Variants in BMERB1 observed in about 807,000 individuals in gnomAD.
BMERB1 encodes bMERB domain containing 1.
In BMERB1, 12 loss-of-function variants were observed where a neutral mutation model predicts 23.6. That is an observed-to-expected ratio of 0.51 (90% CI 0.33 to 0.82). The LOEUF (loss-of-function observed/expected upper bound fraction) is 0.82. Ranked by LOEUF, BMERB1 falls within the 40% of genes least tolerant of loss-of-function variation. The pLI is 0.03. For synonymous variants in BMERB1, 122 were observed against 96.6 expected (o/e 1.26, Z -1.54); for missense variants, 247 against 255.4 (o/e 0.97, Z 0.22).
intron 2 of BMERB1, among the ~76,000 whole-genome samples, chr16:15,548,109 C>T (rs751062644): frequency 1.3e-5 from 2 of 152,088 alleles, no homozygotes; most frequent in Non-Finnish European, 2.9e-5. Context: ...CTCAGCCTCC[C>T]GAGTAGCTGG....
At chr16:15,522,175 G>T (rs1037079382) in intron 2 of BMERB1, among the ~76,000 whole-genome samples, 3 of 152,188 alleles carry the variant, frequency 2.0e-5, no homozygotes, top group Non-Finnish European at 2.9e-5. Flanking sequence ...GGGATAGCAT[G>T]CCCTGCCACT....
At chr16:15,477,453 G>T (rs1469963511) in intron 1 of BMERB1, among the ~76,000 whole-genome samples, 1 of 152,034 alleles carries the variant, frequency 6.6e-6, no homozygotes, top group Non-Finnish European at 1.5e-5. Flanking sequence ...AACATAGTGA[G>T]ACCTCCTGCT....
intron 1 of BMERB1, among the ~76,000 whole-genome samples, chr16:15,463,365 A>AT (rs1359105151): frequency 6.6e-6 from 1 of 152,080 alleles, no homozygotes; most frequent in Non-Finnish European, 1.5e-5. Context: ...AAGCCCTGGG[A>AT]TTGCAGGCAT....
Position 15,581,275 on chromosome 16 carries a change from C to T in BMERB1, c.363C>T (p.His121=), listed in dbSNP as rs1409829472. Residue 121 remains histidine, a synonymous_variant, in exon 4 of 6, where the codon CAC becomes CAT. Transcript: ENST00000300006. ...QREDELIQKI[H]KLVQKRDFLV... ...AGGATGAGCTAATCCAGAAGATCCA[C>T]AAACTGGTGCAGAAGAGAGACTTCC... 2.5e-6 allele frequency: 4 copies of T among 1,613,970 alleles called. No individual in the cohort carries two copies. The highest frequency in any genetic ancestry group is 1.3e-5 in the African/African-American group (1 of 74,932).
At chr16:15,440,867 G>A (rs115544828) in intron 1 of BMERB1, among the ~76,000 whole-genome samples, 289 of 152,274 alleles carry the variant, frequency 1.9e-3, no homozygotes, top group African/African-American at 4.9e-3. Flanking sequence ...AAGCAAACAA[G>A]TAAGATGGTT....
At chr16:15,585,145 T>C (rs1049008466) in intron 5 of BMERB1, among the ~76,000 whole-genome samples, 8 of 152,246 alleles carry the variant, frequency 5.3e-5, no homozygotes, top group Admixed American at 1.3e-4. Context: ...TGCTGGCTCC[T>C]ATAACCACAA....
At chr16:15,551,460 G>T (rs1385509162) in intron 2 of BMERB1, among the ~76,000 whole-genome samples, 3 of 152,224 alleles carry the variant, frequency 2.0e-5, no homozygotes, top group African/African-American at 7.2e-5. Flanking sequence ...GGCTATGGCT[G>T]CAGGAAGGAA....
chr16:15,567,287 C>T lies in BMERB1; in HGVS notation c.231-696C>T, dbSNP rs146199866. Among the ~76,000 whole-genome samples, 753 of 152,224 alleles carry T rather than the reference C, an allele frequency of 4.9e-3. 10 individuals are homozygous for T. Among genetic ancestry groups the T allele is most frequent in the African/African-American group, 0.017 (703 of 41,518 alleles). On this transcript the variant is annotated intron_variant, in intron 2 of 5. Coordinates refer to ENST00000300006, the MANE Select transcript of BMERB1 (RefSeq NM_033201.3). ...CTAAACCGTTGACAATGATTCTCTC[C>T]GAAGGACAGAGGGAGACTTTCCTCT... is the stretch of plus-strand genomic sequence containing the variant.
chr16:15,476,827 C>G (rs1223093434), intron 1 of BMERB1, among the ~76,000 whole-genome samples: 1 of 152,186 alleles, frequency 6.6e-6, no homozygotes, highest in Non-Finnish European at 1.5e-5. Context: ...CAGCTTCCCA[C>G]TCATTCCCAT....
intron 1 of BMERB1, among the ~76,000 whole-genome samples, chr16:15,461,406 C>T (rs983500594): frequency 2.0e-5 from 3 of 152,080 alleles, no homozygotes; most frequent in African/African-American, 7.2e-5. Context: ...AACCTTCTTT[C>T]CTTTCTTCTT....
intron 1 of BMERB1, among the ~76,000 whole-genome samples, chr16:15,474,661 T>G (rs2051260416): frequency 6.6e-6 from 1 of 152,186 alleles, no homozygotes; most frequent in African/African-American, 2.4e-5. Flanking sequence ...ATTTCAGTCA[T>G]GAGCCACTGT....
In BMERB1 at chr16:15,548,843, G is replaced by A. The variant is rs367894883; in HGVS notation, c.231-19140G>A. Among the ~76,000 whole-genome samples the A allele has an allele frequency of 1.1e-3, 174 of 152,304 alleles. 1 individual carries two copies. Among genetic ancestry groups the A allele is most frequent in the African/African-American group, 3.9e-3 (163 of 41,558 alleles). ...AATGACTCTGATGGGAATTGCCAGT[G>A]GTGATGGTAGATAGGTGATGGCTTC... is the stretch of plus-strand genomic sequence containing the variant. On this transcript the variant is annotated intron_variant, in intron 2 of 5. Transcript: ENST00000300006.
At chr16:15,498,710 GAGAA>G (rs1282281713) in intron 1 of BMERB1, among the ~76,000 whole-genome samples, 2 of 152,098 alleles carry the variant, frequency 1.3e-5, no homozygotes. Flanking sequence ...AAGGAAAAGA[GAGAA>G]AGGAAAGAAG....
rs554008586 is a variant in BMERB1 at position 15,542,682 on chromosome 16, A to C, written c.231-25301A>C. On this transcript the variant is annotated intron_variant, in intron 2 of 5. Transcript: ENST00000300006. ...GTCAGGAGCAGATGAGATAAGATAC[A>C]TAAAAAAGATATTACAATACCTAAC... is the stretch of plus-strand genomic sequence containing the variant. 1.0e-3 allele frequency among the ~76,000 whole-genome samples: 150 copies of C among 145,566 alleles called. 2 individuals carry two copies. In the South Asian group the frequency reaches 0.019, roughly 19 times the overall value.
chr16:15,436,497 G>A (rs1442749157), intron 1 of BMERB1, among the ~76,000 whole-genome samples: 1 of 152,106 alleles, frequency 6.6e-6, no homozygotes, highest in African/African-American at 2.4e-5. Flanking sequence ...GACCTCAGGT[G>A]ATCGGCCTGC....
intron 1 of BMERB1, among the ~76,000 whole-genome samples, chr16:15,489,296 T>C (rs569929801): frequency 1.3e-5 from 2 of 152,134 alleles, no homozygotes; most frequent in Admixed American, 6.5e-5. Flanking sequence ...CAAATGTCCA[T>C]TGCACATGAG....
intron 2 of BMERB1, among the ~76,000 whole-genome samples, chr16:15,521,254 T>C (rs2051850109): frequency 6.6e-6 from 1 of 152,214 alleles, no homozygotes; most frequent in African/African-American, 2.4e-5. Flanking sequence ...TATCACCATT[T>C]CTCTGCACAT....
chr16:15,575,985 C>G, intron 3 of BMERB1, among the ~76,000 whole-genome samples: 1 of 151,608 alleles, frequency 6.6e-6, no homozygotes. Context: ...CCTAGGTTCC[C>G]TGCCTCCAGA....
chr16:15,523,185 G>A (rs1598494172), intron 2 of BMERB1, among the ~76,000 whole-genome samples: 1 of 152,182 alleles, frequency 6.6e-6, no homozygotes, highest in Admixed American at 6.5e-5. Context: ...TGGCCTGCCA[G>A]CATCTGTCAT....
Sources: allele counts gnomAD v4.1 joint callset (sites outside exome capture counted in the v4.1 genomes callset), GRCh38; gene constraint gnomAD v4.1.1; transcripts MANE v1.5; gene names NCBI Gene and HGNC (gene_info 2026-07-23, HGNC 2026-07-21).